The following PPP2R3A variants were observed in gnomAD, a reference collection of about 807,000 sequenced individuals.
The protein encoded by PPP2R3A is serine/threonine-protein phosphatase 2A regulatory subunit B'' subunit alpha.
A neutral mutation model predicts 106.9 loss-of-function variants in PPP2R3A; 80 were observed. The ratio of observed to expected loss-of-function variants is 0.75; its 90% confidence interval spans 0.62 to 0.90. PPP2R3A has a LOEUF of 0.90. Ranked by LOEUF, PPP2R3A falls within the 40% of genes least tolerant of loss-of-function variation. The pLI is 0.00. For synonymous variants in PPP2R3A, 483 were observed against 468.3 expected (o/e 1.03, Z -0.41); for missense variants, 1,386 against 1,350.4 (o/e 1.03, Z -0.41).
chr3:136,074,763 G>A (rs1936543947), intron 6 of PPP2R3A, among the ~76,000 whole-genome samples: 1 of 152,186 alleles, frequency 6.6e-6, no homozygotes, highest in Non-Finnish European at 1.5e-5. Flanking sequence ...CTTGTGGAGG[G>A]CAAGGTACTG....
chr3:136,028,147 T>C (rs983911273), intron 3 of PPP2R3A, among the ~76,000 whole-genome samples: 1 of 152,102 alleles, frequency 6.6e-6, no homozygotes, highest in African/African-American at 2.4e-5. Flanking sequence ...CCCTCCAGAG[T>C]GGGCTTCCCC....
At chr3:136,028,925 A>T (rs1384320024) in intron 3 of PPP2R3A, among the ~76,000 whole-genome samples, 2 of 151,956 alleles carry the variant, frequency 1.3e-5, no homozygotes, top group Admixed American at 1.3e-4. Flanking sequence ...CTATCTCGGC[A>T]CACCACAATC....
At chr3:136,069,038 C>T (rs369386506) in intron 5 of PPP2R3A, among the ~76,000 whole-genome samples, 3 of 152,078 alleles carry the variant, frequency 2.0e-5, no homozygotes, top group Admixed American at 6.5e-5. Flanking sequence ...GAAAGACTAA[C>T]GAACTTTCAC....
At chr3:136,069,226 G>A (rs1936354750) in intron 5 of PPP2R3A, among the ~76,000 whole-genome samples, 1 of 152,128 alleles carries the variant, frequency 6.6e-6, no homozygotes, top group South Asian at 2.1e-4. Context: ...AGGGAAGCTG[G>A]GAGAGGAGCA....
At chr3:136,144,078 C>T (rs1174242640) in intron 13 of PPP2R3A, among the ~76,000 whole-genome samples, 3 of 152,210 alleles carry the variant, frequency 2.0e-5, no homozygotes, top group Admixed American at 2.0e-4. Flanking sequence ...ATATTTCAGG[C>T]AGCCACATCA....
At chr3:136,049,222 A>G in intron 4 of PPP2R3A, 37 bp from the exon 5 acceptor site, 1 of 1,457,836 alleles carries the variant, frequency 6.9e-7, no homozygotes, top group Non-Finnish European at 9.5e-7. Flanking sequence ...GTTTGTTCAG[A>G]GGAACTAATC....
At chr3:136,079,385 G>T in intron 7 of PPP2R3A, 3 of 175,732 alleles carry the variant, frequency 1.7e-5, no homozygotes, top group South Asian at 2.3e-4. Flanking sequence ...TGTAGTTTCT[G>T]AATCATTTTT....
At chr3:136,067,479 G>C (rs1936293605) in intron 5 of PPP2R3A, among the ~76,000 whole-genome samples, 1 of 152,196 alleles carries the variant, frequency 6.6e-6, no homozygotes, top group African/African-American at 2.4e-5. Flanking sequence ...GGGAAACCCA[G>C]GCTGAGTTAA....
chr3:136,129,446 A>C (rs905321730), intron 13 of PPP2R3A, among the ~76,000 whole-genome samples: 1 of 152,222 alleles, frequency 6.6e-6, no homozygotes, highest in African/African-American at 2.4e-5. Context: ...GGACAGATAC[A>C]TCCTCCCAAG....
rs1938785762 is a variant in PPP2R3A, at chr3:136,139,857, TTAGC to T, written c.3330-5182_3330-5179del. ...CTATCTCTACTAAAAATAAAAAAAA[TTAGC>T]TAGGTGTGGTGGTGCATGCCTGTAA... is the stretch of plus-strand genomic sequence containing the variant. On this transcript the variant is annotated intron_variant, in intron 13 of 13. Coordinates refer to ENST00000264977, the MANE Select transcript of PPP2R3A (RefSeq NM_002718.5). 2.7e-5 allele frequency among the ~76,000 whole-genome samples: 4 copies of T among 150,684 alleles called. No homozygotes were observed. In the South Asian group the frequency reaches 6.3e-4, roughly 24 times the overall value.
intron 1 of PPP2R3A, among the ~76,000 whole-genome samples, chr3:135,992,021 ATGT>A (rs1451451238): frequency 6.6e-6 from 1 of 152,170 alleles, no homozygotes; most frequent in Non-Finnish European, 1.5e-5. Flanking sequence ...TCTATAAGAG[ATGT>A]TGTATTTTCT....
intron 1 of PPP2R3A, among the ~76,000 whole-genome samples, chr3:135,984,054 T>A (rs1237888836): frequency 6.6e-6 from 1 of 152,226 alleles, no homozygotes; most frequent in Admixed American, 6.5e-5. Flanking sequence ...TTGTTCATCC[T>A]ATCCAGGTTA....
Position 136,040,887 on chromosome 3 carries a change from C to A in PPP2R3A, c.2291C>A (p.Ala764Asp), listed in dbSNP as rs1260563582. ...KVCGCPLYWKAPMFRAAGGEK... is the reference protein window; with the variant it reads ...KVCGCPLYWKDPMFRAAGGEK... ...TGTGGCTGTCCTCTCTATTGGAAAG[C>A]CCCCATGTTCAGGGCTGCAGGGGGA... Residue 764 changes from alanine to aspartate, a missense_variant, in exon 4 of 14, where the codon GCC becomes GAC. Coordinates refer to ENST00000264977, the MANE Select transcript of PPP2R3A (RefSeq NM_002718.5). The A allele has an allele frequency of 6.2e-7, 1 of 1,613,026 alleles. No homozygotes were observed. The highest frequency in any genetic ancestry group is 8.5e-7 in the Non-Finnish European group (1 of 1,179,590).
intron 13 of PPP2R3A, among the ~76,000 whole-genome samples, chr3:136,127,517 A>G (rs1433565365): frequency 6.6e-6 from 1 of 152,228 alleles, no homozygotes; most frequent in African/African-American, 2.4e-5. Context: ...ACTATGCGAA[A>G]AAACCAAATC....
chr3:136,128,799 A>G (rs547894371), intron 13 of PPP2R3A, among the ~76,000 whole-genome samples: 15 of 152,288 alleles, frequency 9.8e-5, no homozygotes, highest in African/African-American at 3.6e-4. Context: ...GTAAAAGAAC[A>G]GAAATTATAA....
rs1230704766 is a variant in PPP2R3A at position 136,147,059 on chromosome 3, A to G, written c.*1893A>G. On this transcript the variant is annotated 3_prime_UTR_variant, in exon 14 of 14. Coordinates refer to ENST00000264977, the MANE Select transcript of PPP2R3A (RefSeq NM_002718.5). ...CTGAAGTCCTCTTGCTTTCACTTTG[A>G]TCTGGTTTTTGAAGTCTCTTAATTA... The G allele has an allele frequency of 6.6e-6, 1 of 151,044 alleles. No individual in the cohort carries two copies. Among genetic ancestry groups the G allele is most frequent in the East Asian group, 1.9e-4 (1 of 5,150 alleles). 9.4% of individuals were successfully genotyped at this position (151,044 alleles called of 1,614,324 possible). A position where few individuals can be genotyped will look rare whatever the true frequency, so the allele number is the denominator to read the frequency against.
At chr3:136,048,372 T>G (rs763849277) in intron 4 of PPP2R3A, among the ~76,000 whole-genome samples, 1 of 152,072 alleles carries the variant, frequency 6.6e-6, no homozygotes, top group Non-Finnish European at 1.5e-5. Context: ...CTATGTCAGG[T>G]CAAGAAGCTA....
At chr3:136,112,056 TAATG>T (rs1249196935) in intron 13 of PPP2R3A, among the ~76,000 whole-genome samples, 2 of 152,142 alleles carry the variant, frequency 1.3e-5, no homozygotes, top group Non-Finnish European at 2.9e-5. Context: ...ATGGTCATCT[TAATG>T]GACACAGAAA....
At chr3:136,069,385 T>TG (rs2107905391) in intron 5 of PPP2R3A, among the ~76,000 whole-genome samples, 1 of 152,250 alleles carries the variant, frequency 6.6e-6, no homozygotes, top group East Asian at 1.9e-4. Context: ...AAGACCAGCC[T>TG]GGCCAGCATG....
Sources: gnomAD v4.1 joint callset for allele counts (sites outside exome capture counted in the v4.1 genomes callset) on GRCh38, gnomAD v4.1.1 for gene constraint, MANE v1.5 for transcripts, NCBI Gene and HGNC (gene_info 2026-07-23, HGNC 2026-07-21) for gene names.